KCNH7: variants seen among roughly 807,000 people sequenced by gnomAD.
KCNH7 encodes the protein potassium voltage-gated channel subfamily H member 7, also known as voltage-gated inwardly rectifying potassium channel KCNH7.
A neutral mutation model predicts 120.8 loss-of-function variants in KCNH7; 49 were observed. The observed-to-expected ratio is 0.41, with a 90% CI of 0.32 to 0.51. KCNH7 has a LOEUF of 0.51. Ranked by LOEUF, KCNH7 falls within the 20% of genes least tolerant of loss-of-function variation. The pLI, the probability that KCNH7 is intolerant of heterozygous loss-of-function variation, is 0.38. For synonymous variants in KCNH7, 547 were observed against 516.1 expected, an observed-to-expected ratio of 1.06 and a Z score of -0.81; for missense variants, 1,097 against 1,446.6, an observed-to-expected ratio of 0.76 and a Z score of 3.92.
chr2:162,792,274 G>C (rs750723192), intron 2 of KCNH7, among the ~76,000 whole-genome samples: 1 of 151,994 alleles, frequency 6.6e-6, no homozygotes, highest in African/African-American at 2.4e-5. Flanking sequence ...CAAGGTTTTG[G>C]TATCACAATG....
At chr2:162,553,386 A>G (rs1207619553) in intron 2 of KCNH7, among the ~76,000 whole-genome samples, 1 of 152,218 alleles carries the variant, frequency 6.6e-6, no homozygotes, top group African/African-American at 2.4e-5. Context: ...AAGACAAAAA[A>G]TAAATGTCAT....
chr2:162,648,256 A>AGCAC (rs745850870), intron 2 of KCNH7, among the ~76,000 whole-genome samples: 28 of 152,262 alleles, frequency 1.8e-4, no homozygotes, highest in Non-Finnish European at 3.4e-4. Context: ...AGGGGAAGCA[A>AGCAC]GCACATCTTC....
chr2:162,796,036 T>A (rs1451448648), intron 2 of KCNH7: 2 of 152,002 alleles, frequency 1.3e-5, no homozygotes, highest in African/African-American at 4.8e-5. Context: ...AGCAGGAAAG[T>A]TGAAATTCTA....
intron 2 of KCNH7, among the ~76,000 whole-genome samples, chr2:162,774,735 A>G (rs1160378081): frequency 1.3e-5 from 2 of 152,224 alleles, no homozygotes; most frequent in Non-Finnish European, 2.9e-5. Context: ...AAAAAAGAAA[A>G]CTAGTGTATA....
In KCNH7 at chr2:162,504,381, G is replaced by T. The variant is rs970260331; in HGVS notation, c.1128+62C>A. On this transcript the variant is annotated intron_variant, in intron 6 of 15. Transcript: ENST00000332142. ...CAGTCATTTATAAGAAAAAGAATATGTTTCATGGTGCAGAAACAAACCTCT... is the reference window on the plus strand; with the variant it reads ...CAGTCATTTATAAGAAAAAGAATATTTTTCATGGTGCAGAAACAAACCTCT... 3.2e-6 allele frequency: 4 copies of T among 1,232,062 alleles called. No homozygotes were observed. The Admixed American group carries it at 5.4e-5, about 17-fold the overall frequency. 76.3% of individuals were successfully genotyped at this position (1,232,062 alleles called of 1,614,324 possible).
intron 2 of KCNH7, among the ~76,000 whole-genome samples, chr2:162,596,186 T>A (rs1369649030): frequency 6.6e-6 from 1 of 151,984 alleles, no homozygotes; most frequent in African/African-American, 2.4e-5. Flanking sequence ...ATGACAGACT[T>A]CATTCAAAAC....
At chr2:162,700,090 A>G (rs2105341561) in intron 2 of KCNH7, among the ~76,000 whole-genome samples, 1 of 152,308 alleles carries the variant, frequency 6.6e-6, no homozygotes, top group East Asian at 1.9e-4. Context: ...AAACTTGACA[A>G]ATCTTCGTGT....
At chr2:162,549,676 T>A (rs895257473) in intron 2 of KCNH7, among the ~76,000 whole-genome samples, 1 of 152,120 alleles carries the variant, frequency 6.6e-6, no homozygotes, top group African/African-American at 2.4e-5. Context: ...TATAAAACCA[T>A]TAGCAAAGCT....
Position 162,379,919 on chromosome 2 carries a change from G to A in KCNH7, c.3065C>T (p.Thr1022Ile). ...TTCCCCGTAGGTGAGGTCGCTTTCG[G>A]TTTCAGAGATACCCCAGGCAGCTCG... is the stretch of plus-strand genomic sequence containing the variant. ...LQRAAWGISE[T>I]ESDLTYGEVE... is the part of the protein sequence containing the mutation. The change falls in exon 14 of 16, where the codon ACC becomes ATC. Residue 1022 changes from threonine to isoleucine, a missense_variant. Physicochemically the swap from Thr to Ile is moderately conservative, Grantham distance 89. Coordinates refer to ENST00000332142, the MANE Select transcript of KCNH7 (RefSeq NM_033272.4). The A allele has an allele frequency of 8.1e-6, 13 of 1,614,020 alleles. No homozygotes were observed. The highest frequency in any genetic ancestry group is 1.1e-5 in the Non-Finnish European group (13 of 1,179,954).
chr2:162,648,019 A>G (rs1022827985), intron 2 of KCNH7, among the ~76,000 whole-genome samples: 2 of 152,156 alleles, frequency 1.3e-5, no homozygotes, highest in Non-Finnish European at 2.9e-5. Context: ...GGTTCATAAG[A>G]AGTGATTGGT....
chr2:162,685,431 G>A (rs945153413), intron 2 of KCNH7, among the ~76,000 whole-genome samples: 1 of 152,072 alleles, frequency 6.6e-6, no homozygotes, highest in African/African-American at 2.4e-5. Context: ...CATTGGTATA[G>A]TACAAGGTAA....
chr2:162,375,071 T>A (rs868068927), intron 14 of KCNH7, among the ~76,000 whole-genome samples: 84 of 152,334 alleles, frequency 5.5e-4, no homozygotes, highest in African/African-American at 1.9e-3. Flanking sequence ...ATATGTTATC[T>A]GTATCCCAAA....
At position 162,517,829 on chromosome 2, in the gene KCNH7, C is replaced by T. The variant is rs1428198012; in HGVS notation, c.793G>A (p.Glu265Lys). 1 of 1,612,220 alleles carries T rather than the reference C, an allele frequency of 6.2e-7. No individual in the cohort carries two copies. Among genetic ancestry groups the T allele is most frequent in the Non-Finnish European group, 8.5e-7 (1 of 1,178,904 alleles). Reference protein sequence around the residue: ...SSQLSHSRSRESLCSIRRASS... With the variant: ...SSQLSHSRSRKSLCSIRRASS... The stretch of plus-strand genomic sequence containing the variant: ...GCTCTCCGTATACTACATAAGCTTT[C>T]CCTTGATCTGGAATGGGACAGCTGG... The change falls in exon 4 of 16, where the codon GAA becomes AAA. Residue 265 changes from glutamate to lysine, a missense_variant. This residue lies in a region of KCNH7 where 362 missense variants were observed against 372.2 expected (regional missense o/e 0.97). Transcript: ENST00000332142.
intron 2 of KCNH7, among the ~76,000 whole-genome samples, chr2:162,743,620 T>C (rs955401871): frequency 6.6e-6 from 1 of 152,136 alleles, no homozygotes; most frequent in Non-Finnish European, 1.5e-5. Flanking sequence ...GTACATAAAA[T>C]GTTTCAATGC....
chr2:162,539,100 T>A (rs1409689585), intron 2 of KCNH7, among the ~76,000 whole-genome samples: 1 of 152,126 alleles, frequency 6.6e-6, no homozygotes, highest in African/African-American at 2.4e-5. Flanking sequence ...GCTGGAGCAC[T>A]TGTCATAGTT....
chr2:162,428,500 C>T (rs974724123), intron 8 of KCNH7, among the ~76,000 whole-genome samples: 2 of 151,718 alleles, frequency 1.3e-5, no homozygotes, highest in African/African-American at 4.8e-5. Context: ...TAGAAAAGAG[C>T]GTGTATTCTG....
chr2:162,676,920 G>GA (rs557934294), intron 2 of KCNH7, among the ~76,000 whole-genome samples: 1 of 151,098 alleles, frequency 6.6e-6, no homozygotes, highest in Non-Finnish European at 1.5e-5. Context: ...TATCATTTAC[G>GA]AAAAAAATTT....
chr2:162,668,871 T>G (rs1008676998), intron 2 of KCNH7, among the ~76,000 whole-genome samples: 1 of 152,188 alleles, frequency 6.6e-6, no homozygotes, highest in Non-Finnish European at 1.5e-5. Flanking sequence ...AACTTTAAAA[T>G]GGCTGACAAA....
intron 2 of KCNH7, among the ~76,000 whole-genome samples, chr2:162,746,572 G>C (rs995031018): frequency 6.6e-6 from 1 of 151,818 alleles, no homozygotes; most frequent in Admixed American, 6.6e-5. Context: ...AATCACACTT[G>C]AACAGCCCAG....
Sources: allele counts gnomAD v4.1 joint callset (sites outside exome capture counted in the v4.1 genomes callset), GRCh38; gene constraint gnomAD v4.1.1; regional missense constraint gnomAD v4.1.1; transcripts MANE v1.5; gene names NCBI Gene and HGNC (gene_info 2026-07-23, HGNC 2026-07-21).